The following GUCY1A2 variants were observed in gnomAD, a reference collection of about 807,000 sequenced individuals.
GUCY1A2 encodes guanylate cyclase 1 soluble subunit alpha 2.
A neutral mutation model predicts 63.5 loss-of-function variants in GUCY1A2; 27 were observed. The ratio of observed to expected loss-of-function variants is 0.43; its 90% CI spans 0.31 to 0.59. The LOEUF is 0.59. Ranked by LOEUF, GUCY1A2 falls within the 20% of genes least tolerant of loss-of-function variation. GUCY1A2 has a pLI of 0.11. For missense variants in GUCY1A2, 768 were observed against 913.3 expected (o/e 0.84, Z 2.05); for synonymous variants, 364 against 343.5 (o/e 1.06, Z -0.66).
At chr11:106,857,147 C>T (rs1365343323) in intron 4 of GUCY1A2, among the ~76,000 whole-genome samples, 1 of 152,164 alleles carries the variant, frequency 6.6e-6, no homozygotes, top group Non-Finnish European at 1.5e-5. Context: ...CAAAATACCA[C>T]AAACTGTATG....
chr11:106,939,430 C>A, intron 4 of GUCY1A2, 30 bp downstream of exon 4: 1 of 1,073,062 alleles, frequency 9.3e-7, no homozygotes, highest in Non-Finnish European at 1.4e-6. Context: ...CTTCTAGTTC[C>A]CATCACCATC....
intron 4 of GUCY1A2, chr11:106,824,975 T>G: frequency 1.9e-6 from 3 of 1,612,090 alleles, no homozygotes; most frequent in South Asian, 1.1e-5. Flanking sequence ...GTTACTAAAT[T>G]TTCTAATTAA....
At chr11:106,732,719 A>G (rs745956038) in intron 6 of GUCY1A2, among the ~76,000 whole-genome samples, 2 of 152,156 alleles carry the variant, frequency 1.3e-5, no homozygotes, top group Non-Finnish European at 2.9e-5. Flanking sequence ...TTTAGGATGG[A>G]CAGTTTTTCT....
At chr11:106,818,404 A>G (rs11211931) in intron 4 of GUCY1A2, among the ~76,000 whole-genome samples, 49,285 of 151,688 alleles carry the variant, frequency 0.32, 8,751 homozygotes, top group Admixed American at 0.45. Flanking sequence ...ACCACAAACC[A>G]CACCCGTATA....
chr11:106,907,959 T>C (rs1860236465), intron 4 of GUCY1A2, among the ~76,000 whole-genome samples: 1 of 152,158 alleles, frequency 6.6e-6, no homozygotes, highest in South Asian at 2.1e-4. Context: ...CAAATCTTTC[T>C]GGCAGATTTC....
In GUCY1A2 at chr11:106,683,583, TA is replaced by T. The variant is rs1301947982; in HGVS notation, c.*3965del. ...AATGAGGCACCAGCAACCCTTTCTG[TA>T]GCCATTCTGGGTTCAGAAGTGAAGA... On this transcript the variant is annotated 3_prime_UTR_variant, in exon 8 of 8. Transcript: ENST00000526355. The T allele has an allele frequency of 4.4e-6, 1 of 228,236 alleles. No individual in the cohort carries two copies. Among genetic ancestry groups the T allele is most frequent in the East Asian group, 6.2e-5 (1 of 16,118 alleles). 14.1% of individuals were successfully genotyped at this position (228,236 alleles called of 1,614,324 possible).
chr11:106,794,212 A>G (rs1864713301), intron 5 of GUCY1A2, among the ~76,000 whole-genome samples: 1 of 152,086 alleles, frequency 6.6e-6, no homozygotes, highest in African/African-American at 2.4e-5. Context: ...AATCTGGAGG[A>G]CATTAAGCTA....
intron 4 of GUCY1A2, among the ~76,000 whole-genome samples, chr11:106,923,216 T>C (rs965666180): frequency 6.6e-6 from 1 of 152,214 alleles, no homozygotes; most frequent in Non-Finnish European, 1.5e-5. Flanking sequence ...GGATGAATAA[T>C]TGTATCGAAT....
At chr11:106,835,752 C>T (rs911598222) in intron 4 of GUCY1A2, among the ~76,000 whole-genome samples, 2 of 151,854 alleles carry the variant, frequency 1.3e-5, no homozygotes, top group Non-Finnish European at 2.9e-5. Context: ...GAAATAATAA[C>T]TGTCATCCTA....
At chr11:106,824,018 C>G in intron 4 of GUCY1A2, 1 of 1,295,436 alleles carries the variant, frequency 7.7e-7, no homozygotes, top group Non-Finnish European at 1.1e-6. Context: ...TCCGTGATTC[C>G]TTCAAAAGCT....
chr11:106,696,224 A>C (rs1862716567), intron 7 of GUCY1A2, among the ~76,000 whole-genome samples: 1 of 152,200 alleles, frequency 6.6e-6, no homozygotes, highest in African/African-American at 2.4e-5. Flanking sequence ...GACCTTTAAC[A>C]GCCTAAAAAC....
chr11:106,816,905 C>A (rs1858839989), intron 4 of GUCY1A2, among the ~76,000 whole-genome samples: 1 of 149,980 alleles, frequency 6.7e-6, no homozygotes. Flanking sequence ...CAAGATGAAA[C>A]TGATAATCTG....
rs377454123 is a variant in GUCY1A2 at position 106,721,647 on chromosome 11, C to G, written c.1837-12981G>C. The stretch of plus-strand genomic sequence containing the variant: ...GTTCTTTAACGTCAGCAGTAGGTCT[C>G]TCAACTGGAGAAGTGTCTTTAAGAT... On this transcript the variant is annotated intron_variant, in intron 6 of 7. Transcript: ENST00000526355. Among the ~76,000 whole-genome samples, 25 of 152,272 alleles carry G rather than the reference C, an allele frequency of 1.6e-4. No homozygotes were observed. In the East Asian group the frequency reaches 3.7e-3, roughly 22 times the overall value.
intron 3 of GUCY1A2, among the ~76,000 whole-genome samples, chr11:106,967,863 TG>T (rs1861146275): frequency 6.6e-6 from 1 of 152,144 alleles, no homozygotes; most frequent in African/African-American, 2.4e-5. Flanking sequence ...AGCATGTATC[TG>T]GAAGACAAAA....
chr11:106,904,084 A>G (rs181607326), intron 4 of GUCY1A2, among the ~76,000 whole-genome samples: 2 of 152,164 alleles, frequency 1.3e-5, no homozygotes, highest in African/African-American at 4.8e-5. Context: ...AAGTAACCAA[A>G]TTTATTTGAC....
chr11:106,909,305 T>A (rs150358095), intron 4 of GUCY1A2, among the ~76,000 whole-genome samples: 7 of 151,378 alleles, frequency 4.6e-5, no homozygotes, highest in African/African-American at 1.7e-4. Context: ...GGAAACAATA[T>A]TGACATTGAT....
At chr11:106,833,719 CGTAA>C (rs891739010) in intron 4 of GUCY1A2, among the ~76,000 whole-genome samples, 66 of 152,000 alleles carry the variant, frequency 4.3e-4, no homozygotes, top group African/African-American at 1.3e-3. Flanking sequence ...CTTAATCAAC[CGTAA>C]GTAAAGATTA....
At chr11:106,719,959 C>T (rs1222550014) in intron 6 of GUCY1A2, among the ~76,000 whole-genome samples, 1 of 152,344 alleles carries the variant, frequency 6.6e-6, no homozygotes, top group Admixed American at 6.5e-5. Context: ...TCCTTCACAT[C>T]CATATACACA....
intron 4 of GUCY1A2, among the ~76,000 whole-genome samples, chr11:106,918,630 G>A (rs1291858508): frequency 6.9e-6 from 1 of 145,126 alleles, no homozygotes; most frequent in Admixed American, 6.9e-5. Flanking sequence ...AAAAAGAAAG[G>A]AAATTTTCAA....
Sources: allele counts gnomAD v4.1 joint callset (sites outside exome capture counted in the v4.1 genomes callset), GRCh38; gene constraint gnomAD v4.1.1; transcripts MANE v1.5; gene names NCBI Gene and HGNC (gene_info 2026-07-23, HGNC 2026-07-21).